CACNA1E: variants seen among roughly 807,000 people sequenced by gnomAD.
CACNA1E encodes the protein calcium voltage-gated channel subunit alpha1 E, also known as voltage-dependent R-type calcium channel subunit alpha-1E.
A neutral mutation model predicts 259.2 loss-of-function variants in CACNA1E; 40 were observed. The ratio of observed to expected loss-of-function variants is 0.15; its 90% confidence interval spans 0.12 to 0.20. The LOEUF (loss-of-function observed/expected upper bound fraction) is 0.20, where lower values mean the gene tolerates loss of function less well. Among genes scored for constraint, CACNA1E ranks in the 10% least tolerant of loss-of-function variants. The pLI is 1.00. For synonymous variants in CACNA1E, 1,104 were observed against 1,138.5 expected (o/e 0.97, Z 0.61); for missense variants, 1,874 against 3,040.1 (o/e 0.62, Z 9.02).
intron 3 of CACNA1E, among the ~76,000 whole-genome samples, chr1:181,537,421 G>C (rs1210498145): frequency 6.6e-6 from 1 of 152,110 alleles, no homozygotes; most frequent in Non-Finnish European, 1.5e-5. Context: ...TTAAAAATCA[G>C]ATTGTAGCTA....
intron 3 of CACNA1E, among the ~76,000 whole-genome samples, chr1:181,553,874 T>C (rs146673522): frequency 5.9e-5 from 9 of 152,266 alleles, no homozygotes; most frequent in African/African-American, 2.2e-4. Flanking sequence ...GGTGGATAAG[T>C]TTTTTGATAT....
At chr1:181,469,813 T>C (rs749934896) in intron 2 of CACNA1E, among the ~76,000 whole-genome samples, 2 of 152,162 alleles carry the variant, frequency 1.3e-5, no homozygotes, top group African/African-American at 4.8e-5. Flanking sequence ...CAATTCATGC[T>C]GAGTCCCAAT....
chr1:181,467,754 G>A (rs1662241747), intron 2 of CACNA1E, among the ~76,000 whole-genome samples: 1 of 152,154 alleles, frequency 6.6e-6, no homozygotes, highest in African/African-American at 2.4e-5. Flanking sequence ...CTGCATTCCT[G>A]GTCATGATGT....
In CACNA1E at chr1:181,720,640, T is replaced by C. The variant is rs1171933133; in HGVS notation, c.1884-143T>C. On this transcript the variant is annotated intron_variant, in intron 14 of 47. Transcript: ENST00000367573. ...TAGTCACTGTTACAGTCTTTGTAAGTTATGTGGAATGGGGAAAAAGTAGGG... is the reference window on the plus strand; with the variant it reads ...TAGTCACTGTTACAGTCTTTGTAAGCTATGTGGAATGGGGAAAAAGTAGGG... 8 of 669,820 alleles carry C rather than the reference T, an allele frequency of 1.2e-5. No homozygotes were observed. In the Admixed American group the frequency reaches 1.8e-4, roughly 15 times the overall value. The allele number at this position is 669,820 out of a possible 1,614,324, so 41.5% of individuals were successfully genotyped here. A position where few individuals can be genotyped will look rare whatever the true frequency, so the allele number is the denominator to read the frequency against.
chr1:181,470,911 C>A (rs1037940862), intron 2 of CACNA1E, among the ~76,000 whole-genome samples: 2 of 152,188 alleles, frequency 1.3e-5, no homozygotes, highest in Admixed American at 6.5e-5. Flanking sequence ...TTGTCTTGGT[C>A]TGTTTTTGCT....
At chr1:181,684,966 G>C (rs1463836116) in intron 7 of CACNA1E, among the ~76,000 whole-genome samples, 1 of 151,136 alleles carries the variant, frequency 6.6e-6, no homozygotes, top group Non-Finnish European at 1.5e-5. Context: ...TGAATTAAAG[G>C]AGTACATATG....
chr1:181,506,657 A>G (rs1237807488), intron 1 of CACNA1E, among the ~76,000 whole-genome samples: 1 of 152,236 alleles, frequency 6.6e-6, no homozygotes, highest in Non-Finnish European at 1.5e-5. Context: ...ACTTTCACTG[A>G]CAAGGTGGCA....
At chr1:181,387,492 C>T (rs756052125) in intron 1 of CACNA1E, among the ~76,000 whole-genome samples, 16 of 152,324 alleles carry the variant, frequency 1.1e-4, no homozygotes, top group Non-Finnish European at 1.9e-4. Context: ...TCTGCCTCTT[C>T]CCCAGCTCCC....
intron 1 of CACNA1E, among the ~76,000 whole-genome samples, chr1:181,369,247 C>T (rs1274361741): frequency 6.6e-6 from 1 of 152,192 alleles, no homozygotes. Context: ...TTGCTTTGTA[C>T]AAAATTCAGT....
upstream of CACNA1E, among the ~76,000 whole-genome samples, chr1:181,481,013 G>C (rs1663195162): frequency 6.6e-6 from 1 of 152,132 alleles, no homozygotes; most frequent in Non-Finnish European, 1.5e-5. Flanking sequence ...ACCCTATGTA[G>C]TTTACAGGGA....
intron 7 of CACNA1E, among the ~76,000 whole-genome samples, chr1:181,710,098 G>C (rs1402990168): frequency 6.6e-6 from 1 of 151,884 alleles, no homozygotes; most frequent in Non-Finnish European, 1.5e-5. Flanking sequence ...GTTGTCACAC[G>C]GAGTGGCATT....
chr1:181,772,457 T>C (rs1269654997), intron 37 of CACNA1E, among the ~76,000 whole-genome samples: 1 of 152,188 alleles, frequency 6.6e-6, no homozygotes. Context: ...GTCAGACTCC[T>C]GGATGGGTGA....
chr1:181,413,498 C>G (rs920082551), exon 2 of CACNA1E: 31 of 152,458 alleles, frequency 2.0e-4, no homozygotes, highest in Non-Finnish European at 1.3e-4. Context: ...GCGCGGGGGC[C>G]TCATCGAGCA....
chr1:181,646,578 T>C (rs916691509), intron 6 of CACNA1E, among the ~76,000 whole-genome samples: 1 of 152,186 alleles, frequency 6.6e-6, no homozygotes, highest in Non-Finnish European at 1.5e-5. Flanking sequence ...TTACAGCTGC[T>C]CTGTGAAGAG....
chr1:181,436,893 T>C (rs1660123919), intron 2 of CACNA1E, among the ~76,000 whole-genome samples: 1 of 152,190 alleles, frequency 6.6e-6, no homozygotes, highest in Non-Finnish European at 1.5e-5. Flanking sequence ...TATGAGGTGA[T>C]GGATATGTTA....
Position 181,352,813 on chromosome 1 carries a change from C to T in CACNA1E, c.-15+34690C>T, listed in dbSNP as rs529786022. Reference sequence around the variant, plus strand: ...GTGCCAGTGTCTCTTTGATCTGTCTCAGTGCAGGACTCAGGTTGATGAGAC... The same window carrying T: ...GTGCCAGTGTCTCTTTGATCTGTCTTAGTGCAGGACTCAGGTTGATGAGAC... On this transcript the variant is annotated intron_variant, in intron 1 of 11. Transcript: ENST00000524607. Among the ~76,000 whole-genome samples the T allele has an allele frequency of 4.0e-4, 61 of 152,288 alleles. 1 individual carries two copies. Among genetic ancestry groups the T allele is most frequent in the Middle Eastern group, 3.4e-3 (1 of 294 alleles).
At chr1:181,685,767 C>G (rs942801567) in intron 7 of CACNA1E, among the ~76,000 whole-genome samples, 1 of 152,168 alleles carries the variant, frequency 6.6e-6, no homozygotes, top group African/African-American at 2.4e-5. Context: ...TTTTGGAATA[C>G]TTCACCTATA....
At chr1:181,619,876 C>T (rs78336849) in intron 6 of CACNA1E, among the ~76,000 whole-genome samples, 13,311 of 151,654 alleles carry the variant, frequency 0.088, 713 homozygotes, top group South Asian at 0.2. Context: ...AAGAGCAGGT[C>T]TGTGTTTTAT....
intron 1 of CACNA1E, among the ~76,000 whole-genome samples, chr1:181,394,723 T>G (rs78159759): frequency 6.6e-6 from 1 of 152,080 alleles, no homozygotes; most frequent in African/African-American, 2.4e-5. Context: ...TTTGAGCAAA[T>G]ATGTGAAGAA....
Sources: allele counts gnomAD v4.1 joint callset (sites outside exome capture counted in the v4.1 genomes callset), GRCh38; gene constraint gnomAD v4.1.1; transcripts MANE v1.5; gene names NCBI Gene and HGNC (gene_info 2026-07-23, HGNC 2026-07-21).